LUZP1: variants seen among roughly 807,000 people sequenced by gnomAD.
LUZP1 encodes the protein leucine zipper protein 1.
Under a neutral mutation model 71.3 loss-of-function variants are expected in LUZP1, and 25 were observed. The ratio of observed to expected loss-of-function variants is 0.35; its 90% CI spans 0.26 to 0.49. The LOEUF is 0.49. Among genes scored for constraint, LUZP1 ranks in the 20% least tolerant of loss-of-function variants. LUZP1 has a pLI of 0.99. For missense variants in LUZP1, 1,142 were observed against 1,300.8 expected, an observed-to-expected ratio of 0.88 and a Z score of 1.88; for synonymous variants, 481 against 506.4, an observed-to-expected ratio of 0.95 and a Z score of 0.67.
chr1:23,151,774 C>T (rs754752468), intron 2 of LUZP1, among the ~76,000 whole-genome samples: 4 of 152,052 alleles, frequency 2.6e-5, no homozygotes, highest in Non-Finnish European at 5.9e-5. Context: ...GAGGCCAGGG[C>T]GGGTGGATCA....
intron 2 of LUZP1, among the ~76,000 whole-genome samples, chr1:23,143,440 G>A (rs2124712904): frequency 6.6e-6 from 1 of 152,352 alleles, no homozygotes; most frequent in Non-Finnish European, 1.5e-5. Flanking sequence ...CACATACTTA[G>A]TTTGGCACAG....
At chr1:23,165,707 T>A (rs1237398820) in intron 2 of LUZP1, among the ~76,000 whole-genome samples, 2 of 152,172 alleles carry the variant, frequency 1.3e-5, no homozygotes, top group Non-Finnish European at 2.9e-5. Flanking sequence ...TTGCTATGCA[T>A]CTATTATATG....
At chr1:23,153,676 T>G (rs903241914) in intron 2 of LUZP1, among the ~76,000 whole-genome samples, 6 of 152,278 alleles carry the variant, frequency 3.9e-5, no homozygotes, top group Non-Finnish European at 8.8e-5. Flanking sequence ...TGTTTTGTTT[T>G]GTTTTGTTTT....
Position 23,103,790 on chromosome 1 carries a change from G to A in LUZP1, c.-120+5232C>T, listed in dbSNP as rs188470226. ...TTGAACAGTGCCTAGTACATAAAGA[G>A]TATAATATAGTTGTTTATTGGGAAG... On this transcript the variant is annotated intron_variant, in intron 3 of 4. Coordinates refer to ENST00000302291, the Ensembl canonical transcript of LUZP1. Among the ~76,000 whole-genome samples, 349 of 146,702 alleles carry A rather than the reference G, an allele frequency of 2.4e-3. 4 individuals carry two copies. Among genetic ancestry groups the A allele is most frequent in the African/African-American group, 8.1e-3 (320 of 39,430 alleles).
At chr1:23,153,869 T>A (rs658508) in intron 2 of LUZP1, among the ~76,000 whole-genome samples, 2 of 151,832 alleles carry the variant, frequency 1.3e-5, no homozygotes, top group Admixed American at 1.3e-4. Context: ...CCTGGGAGGT[T>A]GAGGCTGCAG....
intron 2 of LUZP1, among the ~76,000 whole-genome samples, chr1:23,133,108 G>A (rs955631198): frequency 3.9e-5 from 6 of 152,182 alleles, no homozygotes; most frequent in African/African-American, 1.4e-4. Context: ...TTGGAAGCCT[G>A]CTTCTAGAAA....
chr1:23,091,746 C>G (rs1643858502), exon 4 of LUZP1: 3 of 1,613,908 alleles, frequency 1.9e-6, no homozygotes, highest in Non-Finnish European at 1.7e-6. Flanking sequence ...AAAAGGGGAG[C>G]TGACATGGTT....
intron 2 of LUZP1, among the ~76,000 whole-genome samples, chr1:23,162,285 A>G (rs1644473647): frequency 6.6e-6 from 1 of 152,096 alleles, no homozygotes; most frequent in Non-Finnish European, 1.5e-5. Context: ...GCTTCTAGGT[A>G]CTGGTAACGC....
chr1:23,117,525 G>GCA (rs1225435436), intron 2 of LUZP1, among the ~76,000 whole-genome samples: 1 of 116,110 alleles, frequency 8.6e-6, no homozygotes, highest in Non-Finnish European at 1.7e-5. Flanking sequence ...GGGGCGGGGG[G>GCA]GGGGAACACC....
Position 23,094,159 on chromosome 1 carries a change from T to C in LUZP1, c.103A>G (p.Lys35Glu), listed in dbSNP as rs533244242. Residue 35 changes from lysine (K) to glutamate (E), a missense_variant, in exon 4 of 5, where the codon AAA (lysine) becomes GAA (glutamate). By Grantham distance (56) the Lys-to-Glu change is moderately conservative. Transcript: ENST00000302291. The surrounding 1 kb of genome is among the most constrained non-coding windows in gnomAD (Gnocchi z 4.7). ...TCATCCTCTGCTTTCTGGAGGTTTT[T>C]TGTGGCTTCCTCCAACTCATCAAGG... is the stretch of plus-strand genomic sequence containing the variant. 3 of 1,614,182 alleles carry C rather than the reference T, an allele frequency of 1.9e-6. No individual in the cohort carries two copies. The highest frequency in any genetic ancestry group is 1.1e-5 in the South Asian group (1 of 91,086).
intron 2 of LUZP1, among the ~76,000 whole-genome samples, chr1:23,139,019 A>AAAAAAATATATATAT (rs1317355746): frequency 1.7e-5 from 1 of 59,962 alleles, no homozygotes; most frequent in African/African-American, 9.3e-5. Context: ...AAAAAAAAAA[A>AAAAAAATATATATAT]ATATATATAT....
At chr1:23,118,033 C>T (rs1055485666) in intron 2 of LUZP1, among the ~76,000 whole-genome samples, 6 of 149,518 alleles carry the variant, frequency 4.0e-5, no homozygotes, top group African/African-American at 9.9e-5. Context: ...GAGGCTGCAA[C>T]GAGCTGAGAT....
chr1:23,152,032 G>C (rs1322723003), intron 2 of LUZP1, among the ~76,000 whole-genome samples: 1 of 150,440 alleles, frequency 6.6e-6, no homozygotes, highest in Non-Finnish European at 1.5e-5. Flanking sequence ...AGAAATGGTA[G>C]ATAATATACT....
At chr1:23,087,700 T>C (rs1195496535) in exon 5 of LUZP1, 1 of 152,680 alleles carries the variant, frequency 6.5e-6, no homozygotes, top group East Asian at 1.9e-4. Flanking sequence ...GTGACTGGTA[T>C]AAGGAACCTA....
chr1:23,092,411 C>T (rs778980417), exon 4 of LUZP1: 11 of 1,614,060 alleles, frequency 6.8e-6, no homozygotes. Flanking sequence ...TTGAAAATCC[C>T]TGAAGGATGT....
chr1:23,119,400 A>T lies in LUZP1; in HGVS notation c.-225-10273T>A, dbSNP rs184609955. On this transcript the variant is annotated intron_variant, in intron 2 of 4. Coordinates refer to ENST00000302291, the Ensembl canonical transcript of LUZP1. ...CAGCCTCCTGATTAGCTAGGACATA[A>T]CTGAAAGTGAAAGCAAGTATGACAA... is the stretch of plus-strand genomic sequence containing the variant. 8.6e-5 allele frequency among the ~76,000 whole-genome samples: 13 copies of T among 152,036 alleles called. No homozygotes were observed. The East Asian group carries it at 2.5e-3, about 29-fold the overall frequency.
intron 2 of LUZP1, among the ~76,000 whole-genome samples, chr1:23,136,595 C>T (rs1231942084): frequency 6.6e-6 from 1 of 151,700 alleles, no homozygotes; most frequent in South Asian, 2.1e-4. Flanking sequence ...ACTCTCTGGC[C>T]GCGACAATGA....
chr1:23,095,660 C>T lies in LUZP1; in HGVS notation c.-119-1280G>A, dbSNP rs190532998. On this transcript the variant is annotated intron_variant, in intron 3 of 4. Transcript: ENST00000302291. ...AGCAAGGATTATTGAAGAACTACAG[C>T]TCCAGGATAACTAGTGAAAAAAGTC... Among the ~76,000 whole-genome samples, 11 of 152,260 alleles carry T rather than the reference C, an allele frequency of 7.2e-5. No homozygotes were observed. The East Asian group carries it at 2.1e-3, about 29-fold the overall frequency.
At chr1:23,127,669 G>A (rs899427921) in intron 2 of LUZP1, among the ~76,000 whole-genome samples, 2 of 152,128 alleles carry the variant, frequency 1.3e-5, no homozygotes, top group African/African-American at 2.4e-5. Context: ...GACTACAAGC[G>A]CCCGCCTCCA....
Sources: allele counts gnomAD v4.1 joint callset (sites outside exome capture counted in the v4.1 genomes callset), GRCh38; gene constraint gnomAD v4.1.1; non-coding constraint Gnocchi (gnomAD v3.1); transcripts MANE v1.5; gene names NCBI Gene and HGNC (gene_info 2026-07-23, HGNC 2026-07-21).